Variants in IMPA1 observed in about 807,000 individuals in gnomAD.
The protein encoded by IMPA1 is D-galactose 1-phosphate phosphatase.
A neutral mutation model predicts 34.9 loss-of-function variants in IMPA1; 21 were observed. The observed-to-expected ratio is 0.60, with a 90% CI of 0.43 to 0.87. The LOEUF is 0.87. Among genes scored for constraint, IMPA1 ranks in the 40% least tolerant of loss-of-function variants. The pLI is 0.00. For missense variants in IMPA1, 299 were observed against 336.4 expected (o/e 0.89, Z 0.87); for synonymous variants, 95 against 104.4 (o/e 0.91, Z 0.55).
chr8:81,685,704 G>A (rs1807496996), intron 1 of IMPA1: 9 of 841,688 alleles, frequency 1.1e-5, no homozygotes, highest in East Asian at 4.4e-5. Context: ...TATATGAATA[G>A]TTATATATAT....
chr8:81,667,975 C>T (rs1279432389), intron 7 of IMPA1, among the ~76,000 whole-genome samples: 2 of 152,038 alleles, frequency 1.3e-5, no homozygotes, highest in Non-Finnish European at 2.9e-5. Flanking sequence ...AAGCGCCCGC[C>T]ACCACGCCTG....
At chr8:81,682,162 AT>A (rs1807319246) in intron 1 of IMPA1, among the ~76,000 whole-genome samples, 1 of 152,290 alleles carries the variant, frequency 6.6e-6, no homozygotes, top group East Asian at 1.9e-4. Context: ...ACCAAAAAAA[AT>A]AAGAAAAAAG....
intron 7 of IMPA1, among the ~76,000 whole-genome samples, chr8:81,667,721 T>C (rs976145250): frequency 6.1e-5 from 9 of 148,242 alleles, no homozygotes; most frequent in African/African-American, 2.2e-4. Context: ...TCTGATGTGG[T>C]CTCAGATAAA....
chr8:81,674,833 T>C (rs779875172), intron 5 of IMPA1: 3 of 455,668 alleles, frequency 6.6e-6, no homozygotes, highest in South Asian at 4.7e-5. Flanking sequence ...GTTCCAAACC[T>C]AGTCTTGCAG....
chr8:81,663,735 T>C (rs958253951), intron 7 of IMPA1, among the ~76,000 whole-genome samples: 5 of 152,206 alleles, frequency 3.3e-5, no homozygotes, highest in Admixed American at 1.3e-4. Context: ...TAAACAACTA[T>C]GGTCAAAGAA....
At chr8:81,685,281 ATATAGTATATATAC>A in intron 1 of IMPA1, among the ~76,000 whole-genome samples, 1 of 134,644 alleles carries the variant, frequency 7.4e-6, no homozygotes, top group Non-Finnish European at 1.5e-5. Flanking sequence ...TATATAGTAT[ATATAGTATATATAC>A]TATACATAGT....
intron 5 of IMPA1, among the ~76,000 whole-genome samples, chr8:81,676,008 T>C (rs1807120083): frequency 6.6e-6 from 1 of 152,260 alleles, no homozygotes. Context: ...TTTCAGTTAC[T>C]TGTGTGTATT....
intron 4 of IMPA1, among the ~76,000 whole-genome samples, chr8:81,678,854 A>T (rs1807208766): frequency 6.6e-6 from 1 of 152,182 alleles, no homozygotes; most frequent in Non-Finnish European, 1.5e-5. Context: ...TTCCCTTTTT[A>T]GATAGTGCCA....
At chr8:81,677,084 A>C (rs1206611430) in intron 4 of IMPA1, among the ~76,000 whole-genome samples, 1 of 151,988 alleles carries the variant, frequency 6.6e-6, no homozygotes, top group Non-Finnish European at 1.5e-5. Flanking sequence ...GTTAAAAAGC[A>C]TATATTTTAG....
intron 1 of IMPA1, among the ~76,000 whole-genome samples, chr8:81,684,530 A>G (rs1402082651): frequency 1.7e-5 from 2 of 120,504 alleles, no homozygotes; most frequent in African/African-American, 6.5e-5. Context: ...TGTGTAGTAT[A>G]TATACTACAC....
At chr8:81,686,036 G>T in intron 1 of IMPA1, 1 of 1,248,278 alleles carries the variant, frequency 8.0e-7, no homozygotes, top group South Asian at 1.7e-5. Context: ...GTGAGGTCGC[G>T]TGAGCGAACC....
Position 81,673,961 on chromosome 8 carries a change from A to ACTTGTTTTCCTCTGC in IMPA1, c.349-13_349-12insGCAGAGGAAAACAAG. The ACTTGTTTTCCTCTGC allele has an allele frequency of 6.5e-7, 1 of 1,547,064 alleles. No homozygotes were observed. Among genetic ancestry groups the ACTTGTTTTCCTCTGC allele is most frequent in the Non-Finnish European group, 8.9e-7 (1 of 1,121,772 alleles). On this transcript the variant is annotated splice_polypyrimidine_tract_variant and intron_variant, in intron 5 of 8. Coordinates refer to ENST00000256108, the MANE Select transcript of IMPA1 (RefSeq NM_005536.4). Reference sequence around the variant, plus strand: ...ACTCCAAATTCTATCTGCAGAGGAAAACAAGTTTCCTTTACCAAACCTAAG... The same window carrying ACTTGTTTTCCTCTGC: ...ACTCCAAATTCTATCTGCAGAGGAAACTTGTTTTCCTCTGCACAAGTTTCCTTTACCAAACCTAAG...
rs947670469 is a variant in IMPA1, at chr8:81,680,920, T to C, written c.64-137A>G. ...CATTCTTAAAAATGTCTTACAAATA[T>C]ATCTATAAAATAAGCCTTTAATAGT... On this transcript the variant is annotated intron_variant, in intron 2 of 8. Transcript: ENST00000256108. 6 of 673,968 alleles carry C rather than the reference T, an allele frequency of 8.9e-6. No homozygotes were observed. The Admixed American group carries it at 9.5e-5, about 11-fold the overall frequency. The allele number at this position is 673,968 out of a possible 1,614,324, so 41.7% of individuals were successfully genotyped here. A position where few individuals can be genotyped will look rare whatever the true frequency, so the allele number is the denominator to read the frequency against.
intron 2 of IMPA1, 88 bp from the exon 3 acceptor site, chr8:81,680,871 G>T: frequency 1.1e-6 from 1 of 940,180 alleles, no homozygotes; most frequent in Non-Finnish European, 1.6e-6. Context: ...CATTCAATCT[G>T]TCTTAAATAA....
At chr8:81,685,668 A>G (rs1807494710) in intron 1 of IMPA1, 1 of 461,266 alleles carries the variant, frequency 2.2e-6, no homozygotes, top group Non-Finnish European at 3.1e-6. Context: ...CATTTTATAT[A>G]TATTTTTATA....
Position 81,680,783 on chromosome 8 carries a change from C to G in IMPA1, c.64G>C (p.Val22Leu). The G allele has an allele frequency of 6.3e-7, 1 of 1,592,986 alleles. No individual in the cohort carries two copies. The highest frequency in any genetic ancestry group is 8.6e-7 in the Non-Finnish European group (1 of 1,167,356). ...AVTLARQAGE[V>L]VCEAIKNEMN... ...TCATTTTTTATAGCTTCACAAACTA[C>G]CTAAAAAGAGGTTTTGGTAAGCAAA... is the stretch of plus-strand genomic sequence containing the variant. The change falls in exon 3 of 9, where the codon GTA becomes CTA. Residue 22 changes from valine to leucine, a missense_variant and splice_region_variant. Val to Leu is a conservative substitution (Grantham distance 32). Coordinates refer to ENST00000256108, the MANE Select transcript of IMPA1 (RefSeq NM_005536.4).
At position 81,680,134 on chromosome 8, in the gene IMPA1, A is replaced by T. The variant is rs1020368104; in HGVS notation, c.197+516T>A. ...TGCCTGACAGAGCGTGTCTCCGTCT[A>T]AAAAAAAAAAAAAAAAGGTCACTCT... On this transcript the variant is annotated intron_variant, in intron 3 of 8. Transcript: ENST00000256108. 6.2e-4 allele frequency among the ~76,000 whole-genome samples: 26 copies of T among 41,684 alleles called. No homozygotes were observed. In the African/African-American group the frequency reaches 8.5e-3, roughly 14 times the overall value. The allele number at this position is 41,684 out of a possible 152,430, so 27.3% of individuals were successfully genotyped here. A position where few individuals can be genotyped will look rare whatever the true frequency, so the allele number is the denominator to read the frequency against.
chr8:81,679,485 C>A (rs935145565), intron 3 of IMPA1, among the ~76,000 whole-genome samples: 1 of 152,028 alleles, frequency 6.6e-6, no homozygotes, highest in South Asian at 2.1e-4. Context: ...TGGTGGCAGG[C>A]GCCTGTAATC....
intron 7 of IMPA1, among the ~76,000 whole-genome samples, chr8:81,665,841 A>G (rs1806803894): frequency 6.6e-6 from 1 of 152,232 alleles, no homozygotes; most frequent in Non-Finnish European, 1.5e-5. Flanking sequence ...TTCATTAAGG[A>G]TACTATATCC....
Sources: gnomAD v4.1 joint callset for allele counts (sites outside exome capture counted in the v4.1 genomes callset) on GRCh38, gnomAD v4.1.1 for gene constraint, MANE v1.5 for transcripts, NCBI Gene and HGNC (gene_info 2026-07-23, HGNC 2026-07-21) for gene names.